Variants in HYDIN observed in about 807,000 individuals in gnomAD.
HYDIN encodes HYDIN axonemal central pair apparatus protein, also known as axonemal central pair apparatus protein HYDIN.
A neutral mutation model predicts 403.9 loss-of-function variants in HYDIN; 132 were observed. The ratio of observed to expected loss-of-function variants is 0.33; its 90% CI spans 0.28 to 0.38. The LOEUF (loss-of-function observed/expected upper bound fraction) is 0.38. HYDIN is among the 10% of genes least tolerant of loss of function. HYDIN has a pLI of 1.00. For synonymous variants in HYDIN, 1,202 were observed against 1,891.7 expected (o/e 0.64, Z 9.46); for missense variants, 2,827 against 5,009.5 (o/e 0.56, Z 13.15).
intron 47 of HYDIN, among the ~76,000 whole-genome samples, chr16:70,912,946 C>A (rs2076734903): frequency 6.7e-6 from 1 of 149,338 alleles, no homozygotes; most frequent in African/African-American, 2.5e-5. Flanking sequence ...CTTGAATGAT[C>A]TTTTGTATTT....
At chr16:71,061,238 C>T (rs1367089152) in intron 17 of HYDIN, among the ~76,000 whole-genome samples, 1 of 149,258 alleles carries the variant, frequency 6.7e-6, no homozygotes, top group Non-Finnish European at 1.5e-5. Flanking sequence ...AGGACAGCAG[C>T]ACAGTGAGCC....
intron 18 of HYDIN, among the ~76,000 whole-genome samples, chr16:71,036,836 G>C (rs2081104646): frequency 6.6e-6 from 1 of 152,122 alleles, no homozygotes; most frequent in Admixed American, 6.5e-5. Flanking sequence ...GTGTCTCTTT[G>C]GTGGTTGACT....
intron 1 of HYDIN, among the ~76,000 whole-genome samples, chr16:71,228,612 C>T (rs1353627578): frequency 6.6e-6 from 1 of 152,168 alleles, no homozygotes; most frequent in African/African-American, 2.4e-5. Flanking sequence ...AATAAGATAC[C>T]ATCTCACACC....
At chr16:71,210,390 C>A (rs1598038744) in intron 1 of HYDIN, among the ~76,000 whole-genome samples, 1 of 152,140 alleles carries the variant, frequency 6.6e-6, no homozygotes, top group Non-Finnish European at 1.5e-5. Flanking sequence ...CCATTATGCT[C>A]AGCAAACTAA....
In HYDIN at chr16:70,806,924, GGTGTGTAT is replaced by G. The variant is rs572912856; in HGVS notation, c.*648_*655del. Reference sequence around the variant, plus strand: ...TCCTGCTGAATGCTATCCAAGGCGGGGTGTGTATGTGTGGTGGGGGGAGCTGGGATCTC... The same window carrying G: ...TCCTGCTGAATGCTATCCAAGGCGGGGTGTGGTGGGGGGAGCTGGGATCTC... On this transcript the variant is annotated 3_prime_UTR_variant, in exon 86 of 86. Transcript: ENST00000393567. 1.1e-4 allele frequency among the ~76,000 whole-genome samples: 17 copies of G among 152,208 alleles called. No individual in the cohort carries two copies. The highest frequency in any genetic ancestry group is 2.1e-4 in the Non-Finnish European group (14 of 68,008).
intron 1 of HYDIN, among the ~76,000 whole-genome samples, chr16:71,207,679 T>A (rs1181970159): frequency 6.6e-6 from 1 of 151,844 alleles, no homozygotes; most frequent in East Asian, 1.9e-4. Flanking sequence ...AAGAGACCCA[T>A]CTCACATGCA....
Position 71,148,282 on chromosome 16 carries a change from C to T in HYDIN, c.841+4377G>A, listed in dbSNP as rs543978181. On this transcript the variant is annotated intron_variant, in intron 7 of 85. Transcript: ENST00000393567. ...ATAAAAACCTATAGCAAACGTCATACTAAATGATGAAATACTGAGCACTTC... is the reference window on the plus strand; with the variant it reads ...ATAAAAACCTATAGCAAACGTCATATTAAATGATGAAATACTGAGCACTTC... Among the ~76,000 whole-genome samples, 3 of 152,160 alleles carry T rather than the reference C, an allele frequency of 2.0e-5. No individual in the cohort carries two copies. The East Asian group carries it at 5.8e-4, about 29-fold the overall frequency.
At chr16:71,034,220 T>A (rs1220511214) in intron 18 of HYDIN, among the ~76,000 whole-genome samples, 1 of 152,206 alleles carries the variant, frequency 6.6e-6, no homozygotes, top group Non-Finnish European at 1.5e-5. Context: ...AGATTACCCT[T>A]TCATTTAATT....
At chr16:70,970,476 G>T in intron 36 of HYDIN, 44 bp downstream of exon 36, 1 of 1,604,400 alleles carries the variant, frequency 6.2e-7, no homozygotes, top group Non-Finnish European at 8.5e-7. Context: ...AGGGGAAAAA[G>T]ATGGGAACGT....
intron 75 of HYDIN, among the ~76,000 whole-genome samples, chr16:70,848,888 A>G (rs1385225659): frequency 7.6e-6 from 1 of 131,214 alleles, no homozygotes; most frequent in African/African-American, 2.9e-5. Context: ...TCTTCTTCCC[A>G]GTCTCTCCTT....
rs760107477 is a variant in HYDIN at position 70,857,867 on chromosome 16, C to T, written c.12133G>A (p.Val4045Met). Reference protein sequence around the residue: ...FIHPEKKAEIVFQFTPFHLGI... With the variant: ...FIHPEKKAEIMFQFTPFHLGI... ...AGATGGAAAGGTGTGAACTGGAACACGATCTAACAAGACAATTTGGAACAG... is the reference window on the plus strand; with the variant it reads ...AGATGGAAAGGTGTGAACTGGAACATGATCTAACAAGACAATTTGGAACAG... Residue 4045 changes from valine (V) to methionine (M), a missense_variant, in exon 72 of 86, where the codon GTG becomes ATG. Val to Met is a conservative substitution (Grantham distance 21). Transcript: ENST00000393567. The T allele has an allele frequency of 5.0e-5, 80 of 1,613,256 alleles. No homozygotes were observed. Among genetic ancestry groups the T allele is most frequent in the Admixed American group, 1.0e-4 (6 of 59,948 alleles).
intron 83 of HYDIN, among the ~76,000 whole-genome samples, chr16:70,819,547 A>G (rs2143461071): frequency 6.9e-6 from 1 of 144,510 alleles, no homozygotes; most frequent in South Asian, 2.4e-4. Flanking sequence ...TAACGACACT[A>G]TACTGTCCCT....
intron 43 of HYDIN, among the ~76,000 whole-genome samples, chr16:70,940,809 G>A (rs2143878146): frequency 6.6e-6 from 1 of 152,364 alleles, no homozygotes; most frequent in Non-Finnish European, 1.5e-5. Flanking sequence ...ATTATGATTT[G>A]ACTAGATAGT....
intron 19 of HYDIN, among the ~76,000 whole-genome samples, chr16:71,028,456 T>C (rs1300788182): frequency 6.6e-6 from 1 of 152,166 alleles, no homozygotes; most frequent in African/African-American, 2.4e-5. Context: ...CATTCATATA[T>C]TCCACAAATA....
chr16:71,004,024 G>A (rs895051993), intron 23 of HYDIN, among the ~76,000 whole-genome samples: 10 of 150,528 alleles, frequency 6.6e-5, no homozygotes, highest in African/African-American at 2.2e-4. Flanking sequence ...GAATAGAAAT[G>A]GAACTCTTGG....
At position 71,163,804 on chromosome 16, in the gene HYDIN, T is replaced by C. The variant is rs572331108; in HGVS notation, c.517-1074A>G. 3.3e-5 allele frequency among the ~76,000 whole-genome samples: 5 copies of C among 152,316 alleles called. No homozygotes were observed. The South Asian group carries it at 1.0e-3, about 32-fold the overall frequency. ...GAAAAACCACCCAGCTGAACCACAG[T>C]CTTGTGAGCAATAATAAGTGCTTAT... On this transcript the variant is annotated intron_variant, in intron 5 of 85. Coordinates refer to ENST00000393567, the MANE Select transcript of HYDIN (RefSeq NM_001270974.2).
rs868019946 is a variant in HYDIN at position 70,851,563 on chromosome 16, A to T, written c.12444-908T>A. Among the ~76,000 whole-genome samples, 12 of 150,650 alleles carry T rather than the reference A, an allele frequency of 8.0e-5. No homozygotes were observed. In the South Asian group the frequency reaches 2.1e-3, roughly 26 times the overall value. On this transcript the variant is annotated intron_variant, in intron 73 of 85. Transcript: ENST00000393567. Reference sequence around the variant, plus strand: ...ACCAGTCAGAATGGCTATGATTAAGAAATAAAAAACAACAGATCCTGGCGA... The same window carrying T: ...ACCAGTCAGAATGGCTATGATTAAGTAATAAAAAACAACAGATCCTGGCGA...
At chr16:71,221,514 AGG>A (rs1286409539) in intron 1 of HYDIN, among the ~76,000 whole-genome samples, 13 of 152,128 alleles carry the variant, frequency 8.5e-5, no homozygotes, top group Non-Finnish European at 1.9e-4. Context: ...TAATTTTCCA[AGG>A]ACAATAAGCA....
chr16:71,165,192 C>A (rs1471938023), intron 5 of HYDIN, among the ~76,000 whole-genome samples: 3 of 151,272 alleles, frequency 2.0e-5, no homozygotes, highest in Non-Finnish European at 4.4e-5. Flanking sequence ...GGCGCACTTG[C>A]GAAGGTCCCG....
Sources: allele counts gnomAD v4.1 joint callset (sites outside exome capture counted in the v4.1 genomes callset), GRCh38; gene constraint gnomAD v4.1.1; transcripts MANE v1.5; gene names NCBI Gene and HGNC (gene_info 2026-07-23, HGNC 2026-07-21).